Variants in LIPC observed in about 807,000 individuals in gnomAD.
The protein encoded by LIPC is lipase C, hepatic type, also known as hepatic triacylglycerol lipase.
In LIPC, 44 loss-of-function variants were observed where a neutral mutation model predicts 50.7. That is an observed-to-expected ratio of 0.87 (90% CI 0.68 to 1.11). LIPC has a LOEUF of 1.11. LIPC is among the 50% of genes most tolerant of loss of function. The pLI is 0.00. For missense variants in LIPC, 697 were observed against 648.2 expected (o/e 1.08, Z -0.82); for synonymous variants, 271 against 256.4 (o/e 1.06, Z -0.54).
chr15:58,538,582 G>T, intron 2 of LIPC, 65 bp downstream of exon 2: 1 of 1,483,520 alleles, frequency 6.7e-7, no homozygotes, highest in African/African-American at 1.4e-5. Flanking sequence ...TTTCTAGCGT[G>T]TTCATGTTCA....
Position 58,537,054 on chromosome 15 carries a change from C to T in LIPC, c.89-1279C>T, listed in dbSNP as rs57948688. Among the ~76,000 whole-genome samples, 450 of 152,344 alleles carry T rather than the reference C, an allele frequency of 3.0e-3. 2 individuals carry two copies. Among genetic ancestry groups the T allele is most frequent in the African/African-American group, 0.01 (435 of 41,588 alleles). ...AGTTCACTGACCAAAAAGGTCAGAG[C>T]GGCCTTGTGTCTGCTCCTCAGCCGC... is the stretch of plus-strand genomic sequence containing the variant. On this transcript the variant is annotated intron_variant, in intron 1 of 8. Transcript: ENST00000299022.
chr15:58,463,840 A>C (rs1022094875), intron 1 of LIPC, among the ~76,000 whole-genome samples: 3 of 152,144 alleles, frequency 2.0e-5, no homozygotes, highest in Admixed American at 6.5e-5. Flanking sequence ...ATTTTACAGT[A>C]CCTCTTGCAT....
chr15:58,536,275 T>G (rs1466916923), intron 1 of LIPC, among the ~76,000 whole-genome samples: 1 of 152,084 alleles, frequency 6.6e-6, no homozygotes, highest in African/African-American at 2.4e-5. Flanking sequence ...ATTTGGGAAC[T>G]GTTGGTAGCA....
At chr15:58,550,022 G>A (rs1003225690) in intron 6 of LIPC, among the ~76,000 whole-genome samples, 11 of 152,174 alleles carry the variant, frequency 7.2e-5, no homozygotes, top group African/African-American at 1.4e-4. Context: ...TGGAATGTTC[G>A]CATCATGAGG....
At chr15:58,544,319 C>A (rs1419881994) in intron 4 of LIPC, among the ~76,000 whole-genome samples, 3 of 152,152 alleles carry the variant, frequency 2.0e-5, no homozygotes, top group East Asian at 1.9e-4. Context: ...AAGCTCAACA[C>A]CCTCTTGCCG....
rs745389681 is a variant in LIPC, at chr15:58,465,360, G to A, written c.88+33240G>A. ...GTTTTTACATCTGGCTTTTAACACA[G>A]ACTGTGCTCTTCAATAGTCTTAGTG... On this transcript the variant is annotated intron_variant, in intron 1 of 8. Transcript: ENST00000299022. 7.2e-5 allele frequency among the ~76,000 whole-genome samples: 11 copies of A among 152,206 alleles called. No individual in the cohort carries two copies. The East Asian group carries it at 1.3e-3, about 19-fold the overall frequency.
chr15:58,538,749 G>C (rs1476688730), intron 2 of LIPC, among the ~76,000 whole-genome samples: 2 of 152,120 alleles, frequency 1.3e-5, no homozygotes, highest in Non-Finnish European at 2.9e-5. Flanking sequence ...GTTTCAGATA[G>C]AATGTGGCTC....
intron 8 of LIPC, among the ~76,000 whole-genome samples, chr15:58,568,372 C>T (rs1894455467): frequency 6.6e-6 from 1 of 152,144 alleles, no homozygotes; most frequent in South Asian, 2.1e-4. Context: ...GAAATGTTTG[C>T]CCTGAAGTCA....
At chr15:58,462,815 C>T (rs541241758) in intron 1 of LIPC, among the ~76,000 whole-genome samples, 3 of 152,292 alleles carry the variant, frequency 2.0e-5, no homozygotes, top group East Asian at 1.9e-4. Context: ...TCTGGCCTCT[C>T]GGCAGAGGGG....
At chr15:58,453,727 C>T (rs1481752747) in intron 1 of LIPC, among the ~76,000 whole-genome samples, 10 of 151,772 alleles carry the variant, frequency 6.6e-5, no homozygotes, top group African/African-American at 2.2e-4. Context: ...ATGGTGAAAT[C>T]CCAACTACTA....
At chr15:58,556,469 T>C (rs1371631326) in intron 6 of LIPC, among the ~76,000 whole-genome samples, 6 of 152,248 alleles carry the variant, frequency 3.9e-5, no homozygotes, top group African/African-American at 1.4e-4. Flanking sequence ...ACACGTTTAC[T>C]GCAGAAAATG....
intron 1 of LIPC, among the ~76,000 whole-genome samples, chr15:58,509,042 C>T (rs1034602544): frequency 1.3e-5 from 2 of 152,104 alleles, no homozygotes; most frequent in Non-Finnish European, 2.9e-5. Flanking sequence ...AATGAAGGAA[C>T]AAAACTGAGC....
rs1173936916 is a variant in LIPC at position 58,568,659 on chromosome 15, C to G, written c.1389-57C>G. On this transcript the variant is annotated intron_variant, in intron 8 of 8. Coordinates refer to ENST00000299022, the MANE Select transcript of LIPC (RefSeq NM_000236.3). Reference sequence around the variant, plus strand: ...GTGAAATTTGATAAAGAATGAAACACTTCAATAAGCTCCACCTAAAACTTA... The same window carrying G: ...GTGAAATTTGATAAAGAATGAAACAGTTCAATAAGCTCCACCTAAAACTTA... 13 of 985,104 alleles carry G rather than the reference C, an allele frequency of 1.3e-5. No homozygotes were observed. The South Asian group carries it at 1.5e-4, about 11-fold the overall frequency. The allele number at this position is 985,104 out of a possible 1,614,324, so 61.0% of individuals were successfully genotyped here. A position where few individuals can be genotyped will look rare whatever the true frequency, so the allele number is the denominator to read the frequency against.
chr15:58,556,394 T>G (rs1336750737), intron 6 of LIPC, among the ~76,000 whole-genome samples: 1 of 152,242 alleles, frequency 6.6e-6, no homozygotes, highest in Non-Finnish European at 1.5e-5. Flanking sequence ...CTTCTAGTTC[T>G]CTTTTTTTTC....
chr15:58,556,508 G>A (rs967173934), intron 6 of LIPC, among the ~76,000 whole-genome samples: 9 of 152,192 alleles, frequency 5.9e-5, no homozygotes, highest in African/African-American at 7.2e-5. Flanking sequence ...ATAAAGAAGA[G>A]AATAAAAATG....
chr15:58,550,630 C>A (rs766646678), intron 6 of LIPC, among the ~76,000 whole-genome samples: 7 of 152,034 alleles, frequency 4.6e-5, no homozygotes, highest in African/African-American at 4.8e-5. Context: ...TGGAGACTAA[C>A]CCACGATGAG....
intron 1 of LIPC, among the ~76,000 whole-genome samples, chr15:58,465,711 G>T (rs1894533517): frequency 1.3e-5 from 2 of 152,152 alleles, no homozygotes; most frequent in South Asian, 2.1e-4. Flanking sequence ...CTCAGACAAG[G>T]CAAGGGGACC....
chr15:58,546,865 G>C (rs539161729), intron 5 of LIPC, among the ~76,000 whole-genome samples: 1 of 152,006 alleles, frequency 6.6e-6, no homozygotes, highest in Non-Finnish European at 1.5e-5. Context: ...CATTTTGGCT[G>C]GACTCCCAGC....
At chr15:58,516,237 C>CTTTTTTTTTTTTT (rs11351202) in intron 1 of LIPC, among the ~76,000 whole-genome samples, 1 of 45,136 alleles carries the variant, frequency 2.2e-5, no homozygotes, top group African/African-American at 8.2e-5. Flanking sequence ...CCTCTAGCTT[C>CTTTTTTTTTTTTT]TTTTTTTTTT....
Sources: gnomAD v4.1 joint callset for allele counts (sites outside exome capture counted in the v4.1 genomes callset) on GRCh38, gnomAD v4.1.1 for gene constraint, MANE v1.5 for transcripts, NCBI Gene and HGNC (gene_info 2026-07-23, HGNC 2026-07-21) for gene names.